Variants in MTHFD1L observed in about 807,000 individuals in gnomAD.
MTHFD1L encodes monofunctional C1-tetrahydrofolate synthase, mitochondrial.
In MTHFD1L, 81 loss-of-function variants were observed where a neutral mutation model predicts 119.5. The observed-to-expected ratio is 0.68, with a 90% confidence interval of 0.57 to 0.82. The LOEUF is 0.82. MTHFD1L is among the 40% of genes least tolerant of loss of function. The probability of loss-of-function intolerance (pLI) is 0.00; values close to 1 mark genes in which losing one functional copy is unlikely to be tolerated. For missense variants in MTHFD1L, 1,125 were observed against 1,253.4 expected, an observed-to-expected ratio of 0.90 and a Z score of 1.55; for synonymous variants, 430 against 475.2, an observed-to-expected ratio of 0.90 and a Z score of 1.24.
chr6:150,874,650 G>A (rs1780099046), intron 1 of MTHFD1L, among the ~76,000 whole-genome samples: 1 of 152,208 alleles, frequency 6.6e-6, no homozygotes, highest in South Asian at 2.1e-4. Flanking sequence ...GTGAGAGGGG[G>A]AAAAGCCAGC....
chr6:150,985,398 G>C (rs1447286018), intron 20 of MTHFD1L, among the ~76,000 whole-genome samples: 1 of 151,936 alleles, frequency 6.6e-6, no homozygotes, highest in Non-Finnish European at 1.5e-5. Flanking sequence ...CTTTGAGGTC[G>C]GGCACAGTGG....
Position 150,871,495 on chromosome 6 carries a change from C to CTTT in MTHFD1L, c.228-4573_228-4571dup, listed in dbSNP as rs149449398. On this transcript the variant is annotated intron_variant, in intron 1 of 27. Transcript: ENST00000367321. Reference sequence around the variant, plus strand: ...AGTACTTGATATCAACTACTGTAATCTTTTTTTTTTTTTTTTTTTTTTTTG... The same window carrying CTTT: ...AGTACTTGATATCAACTACTGTAATCTTTTTTTTTTTTTTTTTTTTTTTTTTTG... Among the ~76,000 whole-genome samples, 253 of 102,132 alleles carry CTTT rather than the reference C, an allele frequency of 2.5e-3. 1 individual carries two copies. The highest frequency in any genetic ancestry group is 2.8e-3 in the Non-Finnish European group (146 of 52,306). 67.0% of individuals were successfully genotyped at this position (102,132 alleles called of 152,430 possible). A position where few individuals can be genotyped will look rare whatever the true frequency, so the allele number is the denominator to read the frequency against.
chr6:150,944,790 G>A (rs9478151), intron 14 of MTHFD1L, among the ~76,000 whole-genome samples, 197 bp downstream of exon 14: 20,349 of 152,208 alleles, frequency 0.13, 1,770 homozygotes, highest in Middle Eastern at 0.27. Flanking sequence ...GGGTTTATGA[G>A]CACTGCCAAG....
intron 1 of MTHFD1L, among the ~76,000 whole-genome samples, chr6:150,869,277 T>C (rs1778995807): frequency 6.6e-6 from 1 of 152,094 alleles, no homozygotes; most frequent in Admixed American, 6.6e-5. Context: ...TCATCTAGGT[T>C]TTAAGCCCCA....
chr6:150,915,178 G>A (rs964029017), intron 8 of MTHFD1L, among the ~76,000 whole-genome samples: 1 of 152,112 alleles, frequency 6.6e-6, no homozygotes, highest in Non-Finnish European at 1.5e-5. Context: ...CCTGTGGGCC[G>A]CATGTAGCCC....
chr6:151,063,920 G>A (rs918359771), intron 26 of MTHFD1L, among the ~76,000 whole-genome samples: 12 of 151,346 alleles, frequency 7.9e-5, no homozygotes, highest in African/African-American at 2.9e-4. Flanking sequence ...TAATATTATA[G>A]TTGCTGCAGG....
chr6:150,988,314 A>C (rs2128438012), intron 20 of MTHFD1L, among the ~76,000 whole-genome samples: 1 of 152,346 alleles, frequency 6.6e-6, no homozygotes, highest in South Asian at 2.1e-4. Flanking sequence ...CATCTTAGCC[A>C]AGAGCATTCA....
chr6:151,018,482 A>T (rs1783474245), intron 24 of MTHFD1L, among the ~76,000 whole-genome samples: 1 of 152,192 alleles, frequency 6.6e-6, no homozygotes, highest in Non-Finnish European at 1.5e-5. Context: ...CATCCCTCTT[A>T]GGTGGAAACT....
chr6:150,980,839 G>C (rs1049816256), intron 20 of MTHFD1L, among the ~76,000 whole-genome samples: 1 of 152,024 alleles, frequency 6.6e-6, no homozygotes, highest in African/African-American at 2.4e-5. Flanking sequence ...CCTGATTTGA[G>C]TGATTATCGT....
rs1231450447 is a variant in MTHFD1L at position 150,922,254 on chromosome 6, G to T, written c.1034G>T (p.Arg345Leu). 6 of 1,614,058 alleles carry T rather than the reference G, an allele frequency of 3.7e-6. No homozygotes were observed. The highest frequency in any genetic ancestry group is 3.4e-6 in the Non-Finnish European group (4 of 1,179,942). The part of the protein sequence containing the change: ...RRWLREQQHR[R>L]WRLHCLKLQP... ...TGGCTTCGTGAACAGCAGCACAGGC[G>T]GTGGAGACTTCACTGCTTGAAACTT... Residue 345 changes from arginine (R) to leucine (L), a missense_variant, in exon 10 of 28, where the codon CGG becomes CTG. This residue lies in a region of MTHFD1L where 1,058 missense variants were observed against 1,151.2 expected (regional missense o/e 0.92). Coordinates refer to ENST00000367321, the MANE Select transcript of MTHFD1L (RefSeq NM_015440.5).
chr6:150,933,508 G>A (rs565570894), intron 11 of MTHFD1L, among the ~76,000 whole-genome samples: 1 of 152,156 alleles, frequency 6.6e-6, no homozygotes, highest in South Asian at 2.1e-4. Context: ...CTGCAGATCT[G>A]CTGTTTAGAC....
At chr6:151,063,716 TG>T (rs1790897370) in intron 26 of MTHFD1L, among the ~76,000 whole-genome samples, 1 of 152,204 alleles carries the variant, frequency 6.6e-6, no homozygotes, top group Non-Finnish European at 1.5e-5. Flanking sequence ...TGCAAACTTA[TG>T]CAAATGTATT....
chr6:150,910,555 C>CAA (rs60500917), intron 8 of MTHFD1L, among the ~76,000 whole-genome samples: 113 of 83,484 alleles, frequency 1.4e-3, no homozygotes, highest in African/African-American at 3.9e-3. Context: ...AACTCCATCT[C>CAA]AAAAAAAAAA....
chr6:151,007,209 C>T (rs1165893485), intron 20 of MTHFD1L, among the ~76,000 whole-genome samples: 1 of 151,872 alleles, frequency 6.6e-6, no homozygotes, highest in East Asian at 1.9e-4. Flanking sequence ...AGCCTGACTC[C>T]ATCACCCCCT....
Position 150,926,604 on chromosome 6 carries a change from T to C in MTHFD1L, c.1256+309T>C, listed in dbSNP as rs982967023. On this transcript the variant is annotated intron_variant, in intron 11 of 27. Transcript: ENST00000367321. The surrounding 1 kb of genome is among the most constrained non-coding windows in gnomAD (Gnocchi z 4.3). ...TCATTTTTCATTATAAAAATCAAAA[T>C]AGGAATTGAAAGTAAACTATTTTGA... Among the ~76,000 whole-genome samples, 1 of 152,226 alleles carries C rather than the reference T, an allele frequency of 6.6e-6. No individual in the cohort carries two copies. The highest frequency in any genetic ancestry group is 2.4e-5 in the African/African-American group (1 of 41,458).
chr6:151,097,461 G>A (rs1243996599), intron 27 of MTHFD1L, among the ~76,000 whole-genome samples: 2 of 152,200 alleles, frequency 1.3e-5, no homozygotes, highest in Non-Finnish European at 2.9e-5. Flanking sequence ...CAGCAGCATG[G>A]ATGGAAGTGG....
chr6:150,916,737 CTTTTTTTTTTTTTTTTTTTTTTTTT>C (rs57961829), intron 8 of MTHFD1L, among the ~76,000 whole-genome samples: 20 of 72,112 alleles, frequency 2.8e-4, no homozygotes, highest in African/African-American at 7.0e-4. Context: ...GATTCTATCC[CTTTTTTTTTTTTTTTTTTTTTTTTT>C]TTTTTTTTTT....
intron 26 of MTHFD1L, among the ~76,000 whole-genome samples, chr6:151,054,030 TAA>T (rs1471914726): frequency 6.6e-6 from 1 of 152,192 alleles, no homozygotes; most frequent in East Asian, 1.9e-4. Context: ...ATGTTTGTCA[TAA>T]AAGAGTGGAA....
At chr6:150,870,104 T>C (rs920164478) in intron 1 of MTHFD1L, among the ~76,000 whole-genome samples, 4 of 152,158 alleles carry the variant, frequency 2.6e-5, no homozygotes, top group Non-Finnish European at 4.4e-5. Context: ...GTCACAGTAA[T>C]GGTGAAAATA....
Sources: gnomAD v4.1 joint callset for allele counts (sites outside exome capture counted in the v4.1 genomes callset) on GRCh38, gnomAD v4.1.1 for gene constraint, gnomAD v4.1.1 regional missense constraint, Gnocchi (gnomAD v3.1) non-coding constraint, MANE v1.5 for transcripts, NCBI Gene and HGNC (gene_info 2026-07-23, HGNC 2026-07-21) for gene names.